Variants in HSPA12A observed in about 807,000 individuals in gnomAD.
HSPA12A encodes the protein heat shock 70 kDa protein 12A.
In HSPA12A, 28 loss-of-function variants were observed where a neutral mutation model predicts 69.2. The observed-to-expected ratio is 0.40, with a 90% CI of 0.30 to 0.55. HSPA12A has a LOEUF of 0.55. Among genes scored for constraint, HSPA12A ranks in the 20% least tolerant of loss-of-function variants. HSPA12A has a pLI of 0.38. For synonymous variants in HSPA12A, 345 were observed against 370.5 expected (o/e 0.93, Z 0.79); for missense variants, 686 against 900.7 (o/e 0.76, Z 3.05).
At chr10:116,786,398 C>A (rs1162123645) in intron 2 of HSPA12A, among the ~76,000 whole-genome samples, 6 of 151,466 alleles carry the variant, frequency 4.0e-5, no homozygotes, top group African/African-American at 1.5e-4. Flanking sequence ...TATGGCCCCT[C>A]AGGTAGAGGC....
chr10:116,685,046 G>A (rs1474242656), intron 6 of HSPA12A, among the ~76,000 whole-genome samples: 13 of 152,180 alleles, frequency 8.5e-5, no homozygotes, highest in African/African-American at 2.9e-4. Flanking sequence ...TTGCCAGCCC[G>A]ATGGACCACG....
At chr10:116,713,174 T>C (rs1383133774) in intron 1 of HSPA12A, among the ~76,000 whole-genome samples, 1 of 150,992 alleles carries the variant, frequency 6.6e-6, no homozygotes, top group African/African-American at 2.4e-5. Context: ...CATATGTAGG[T>C]TACTGGCAAA....
intron 2 of HSPA12A, among the ~76,000 whole-genome samples, chr10:116,796,434 C>T (rs551635293): frequency 2.2e-4 from 34 of 152,236 alleles, no homozygotes; most frequent in Middle Eastern, 6.8e-3. Context: ...TTTCCACAGC[C>T]TTCCTGTCCT....
chr10:116,785,494 G>A (rs1336994125), intron 2 of HSPA12A, among the ~76,000 whole-genome samples: 3 of 152,016 alleles, frequency 2.0e-5, no homozygotes, highest in Non-Finnish European at 2.9e-5. Flanking sequence ...GCCCCAGGAC[G>A]GCTGTCCCCC....
chr10:116,806,297 C>G (rs1564825811), intron 2 of HSPA12A, among the ~76,000 whole-genome samples: 1 of 152,220 alleles, frequency 6.6e-6, no homozygotes, highest in Non-Finnish European at 1.5e-5. Flanking sequence ...ACCTCCCCAG[C>G]TCAAGCCATC....
chr10:116,842,949 G>C (rs902832040), intron 1 of HSPA12A, among the ~76,000 whole-genome samples: 10 of 152,246 alleles, frequency 6.6e-5, no homozygotes, highest in African/African-American at 2.4e-4. Context: ...TGAACTCACT[G>C]AATAATTACC....
chr10:116,748,465 G>A (rs887195), intron 2 of HSPA12A, among the ~76,000 whole-genome samples: 78,689 of 152,052 alleles, frequency 0.52, 21,525 homozygotes, highest in South Asian at 0.7. Flanking sequence ...CTCTTCTCAG[G>A]GAAACCAGCA....
intron 2 of HSPA12A, among the ~76,000 whole-genome samples, chr10:116,834,219 C>G (rs1408107222): frequency 6.6e-6 from 1 of 152,142 alleles, no homozygotes; most frequent in Non-Finnish European, 1.5e-5. Flanking sequence ...ACTGGGAGGC[C>G]CCAGGCAGCC....
Position 116,742,512 on chromosome 10 carries a change from G to T in HSPA12A, c.-43C>A. 2 of 1,232,940 alleles carry T rather than the reference G, an allele frequency of 1.6e-6. No individual in the cohort carries two copies. The highest frequency in any genetic ancestry group is 2.0e-6 in the Non-Finnish European group (2 of 986,974). The allele number at this position is 1,232,940 out of a possible 1,614,324, so 76.4% of individuals were successfully genotyped here. On this transcript the variant is annotated 5_prime_UTR_variant, in exon 1 of 12. Transcript: ENST00000369209. ...CCGCGAGGGGAGCCTCCAGCGCAGC[G>T]CCCGTGCCCGTGCGGGTCTCTGTCC...
At chr10:116,783,052 C>T (rs7070992) in intron 2 of HSPA12A, among the ~76,000 whole-genome samples, 41 of 152,206 alleles carry the variant, frequency 2.7e-4, no homozygotes, top group African/African-American at 9.4e-4. Flanking sequence ...TCTCCACAGC[C>T]TTTCCCACGT....
chr10:116,839,671 A>T (rs1475605615), intron 1 of HSPA12A, among the ~76,000 whole-genome samples: 1 of 151,596 alleles, frequency 6.6e-6, no homozygotes, highest in Non-Finnish European at 1.5e-5. Context: ...AATAGATGAG[A>T]CAGGATGGCA....
At chr10:116,790,171 G>A (rs531738651) in intron 2 of HSPA12A, among the ~76,000 whole-genome samples, 45 of 140,310 alleles carry the variant, frequency 3.2e-4, no homozygotes, top group African/African-American at 1.1e-3. Context: ...GCGGGATCTC[G>A]GCTCACTGCA....
chr10:116,734,569 G>A (rs1030153428), intron 1 of HSPA12A, among the ~76,000 whole-genome samples: 1 of 151,090 alleles, frequency 6.6e-6, no homozygotes, highest in Non-Finnish European at 1.5e-5. Flanking sequence ...GCTGCCAACA[G>A]AGCTTAAGGG....
At chr10:116,677,275 G>A (rs966283236) in intron 10 of HSPA12A, among the ~76,000 whole-genome samples, 9 of 152,210 alleles carry the variant, frequency 5.9e-5, no homozygotes, top group Non-Finnish European at 1.2e-4. Context: ...AACCCACAGG[G>A]CGTGCCCCTC....
intron 6 of HSPA12A, among the ~76,000 whole-genome samples, chr10:116,688,614 G>A (rs1391508134): frequency 2.0e-5 from 3 of 152,336 alleles, no homozygotes; most frequent in South Asian, 4.1e-4. Flanking sequence ...GCTGGTCTGC[G>A]GTCAGGCTAC....
intron 1 of HSPA12A, chr10:116,708,015 C>G (rs1172849767): frequency 6.5e-6 from 1 of 153,068 alleles, no homozygotes; most frequent in Non-Finnish European, 1.5e-5. Context: ...GCAGGAACAC[C>G]ATTTTGTCTG....
At chr10:116,758,073 G>A (rs1843890505) in intron 2 of HSPA12A, among the ~76,000 whole-genome samples, 1 of 152,116 alleles carries the variant, frequency 6.6e-6, no homozygotes, top group African/African-American at 2.4e-5. Flanking sequence ...ACAAGAACAG[G>A]ATCAATAAAT....
intron 2 of HSPA12A, among the ~76,000 whole-genome samples, chr10:116,795,974 G>A (rs1844814529): frequency 6.7e-6 from 1 of 149,866 alleles, no homozygotes; most frequent in Admixed American, 6.7e-5. Flanking sequence ...GTGAAACCTC[G>A]CCTCTACTAA....
chr10:116,702,027 G>C (rs1323556060), intron 3 of HSPA12A, among the ~76,000 whole-genome samples: 1 of 152,068 alleles, frequency 6.6e-6, no homozygotes. Flanking sequence ...CAGCACTCTG[G>C]GGGGCCAAGG....
Sources: gnomAD v4.1 joint callset for allele counts (sites outside exome capture counted in the v4.1 genomes callset) on GRCh38, gnomAD v4.1.1 for gene constraint, MANE v1.5 for transcripts, NCBI Gene and HGNC (gene_info 2026-07-23, HGNC 2026-07-21) for gene names.